The following SCAMP3 variants were observed in gnomAD, a reference collection of about 807,000 sequenced individuals.
SCAMP3 encodes the protein secretory carrier membrane protein 3.
In SCAMP3, 30 loss-of-function variants were observed where a neutral mutation model predicts 44.1. The ratio of observed to expected loss-of-function variants is 0.68; its 90% CI spans 0.51 to 0.92. SCAMP3 has a LOEUF of 0.92. Among genes scored for constraint, SCAMP3 ranks in the 40% least tolerant of loss-of-function variants. The pLI is 0.00. For missense variants in SCAMP3, 394 were observed against 440.0 expected, an observed-to-expected ratio of 0.90 and a Z score of 0.93; for synonymous variants, 168 against 171.1, an observed-to-expected ratio of 0.98 and a Z score of 0.14.
At chr1:155,256,577 C>T in intron 8 of SCAMP3, 97 bp downstream of exon 8, 1 of 1,369,512 alleles carries the variant, frequency 7.3e-7, no homozygotes, top group Non-Finnish European at 1.0e-6. Flanking sequence ...AACAACCCAG[C>T]AGCCTGACCT....
At chr1:155,259,478 C>G (rs907706338) in intron 4 of SCAMP3, among the ~76,000 whole-genome samples, 2 of 152,188 alleles carry the variant, frequency 1.3e-5, no homozygotes, top group African/African-American at 4.8e-5. Flanking sequence ...CCGTCCACCT[C>G]AGCTTCTTGA....
chr1:155,261,676 T>C lies in SCAMP3; in HGVS notation c.125A>G (p.Asn42Ser), dbSNP rs1029862594. 1 of 1,614,010 alleles carries C rather than the reference T, an allele frequency of 6.2e-7. No individual in the cohort carries two copies. Among genetic ancestry groups the C allele is most frequent in the Non-Finnish European group, 8.5e-7 (1 of 1,179,984 alleles). ...GCTCACCTCCCGGGTCTCAAAAGGG[T>C]TGTAGACGTCAAGCGTGGCATACTG... is the stretch of plus-strand genomic sequence containing the variant. ...SRQYATLDVY[N>S]PFETREPPPA... is the part of the protein sequence containing the mutation. The change falls in exon 2 of 9, where the codon AAC becomes AGC. Residue 42 changes from asparagine (N) to serine (S), a missense_variant. Transcript: ENST00000302631.
At chr1:155,256,535 G>C (rs989422199) in intron 8 of SCAMP3, 116 bp from the exon 9 acceptor site, 21 of 1,383,128 alleles carry the variant, frequency 1.5e-5, no homozygotes, top group Non-Finnish European at 2.0e-5. Context: ...CTCACACACA[G>C]AAACACACAC....
intron 7 of SCAMP3, 140 bp from the exon 8 acceptor site, chr1:155,256,931 A>C: frequency 3.0e-6 from 2 of 663,034 alleles, no homozygotes; most frequent in Non-Finnish European, 5.4e-6. Flanking sequence ...CCACAATCCC[A>C]AACTGTATCT....
intron 2 of SCAMP3, 89 bp from the exon 3 acceptor site, chr1:155,260,748 T>C (rs541390032): frequency 8.4e-7 from 1 of 1,193,128 alleles, no homozygotes; most frequent in African/African-American, 1.5e-5. Flanking sequence ...CCAGAACTCA[T>C]GATGTAAGGA....
At chr1:155,258,724 G>A in intron 5 of SCAMP3, 102 bp downstream of exon 5, 1 of 1,053,982 alleles carries the variant, frequency 9.5e-7, no homozygotes, top group Non-Finnish European at 1.4e-6. Flanking sequence ...GCAGGCTGGT[G>A]AGTTCTAAAT....
chr1:155,260,743 A>G, intron 2 of SCAMP3, 84 bp from the exon 3 acceptor site: 1 of 1,234,906 alleles, frequency 8.1e-7, no homozygotes, highest in Non-Finnish European at 1.1e-6. Flanking sequence ...TAGACCCAGA[A>G]CTCATGATGT....
chr1:155,256,758 G>A lies in SCAMP3; in HGVS notation c.813C>T (p.Gly271=). 1 of 1,614,162 alleles carries A rather than the reference G, an allele frequency of 6.2e-7. No homozygotes were observed. Among genetic ancestry groups the A allele is most frequent in the South Asian group, 1.1e-5 (1 of 91,074 alleles). ...GWISALVVPK[G]NTAVSVLMLL... ...GCATGAGCACGGATACTGCTGTGTT[G>A]CCCTTCGGCACCACCAGAGCAGAGA... The change falls in exon 8 of 9, where the codon GGC becomes GGT. Residue 271 remains glycine, a synonymous_variant. Transcript: ENST00000302631.
chr1:155,256,676 G>A lies in SCAMP3; in HGVS notation c.895C>T (p.Arg299Trp), dbSNP rs565204943. ...CCCACCTTCGACACAGCCCTCACCCGTTTCAGCATGACAATTCCTAGCACA... is the reference window on the plus strand; with the variant it reads ...CCCACCTTCGACACAGCCCTCACCCATTTCAGCATGACAATTCCTAGCACA... ...IAVLGIVMLK[R>W]IHSLYRRTGA... Residue 299 changes from arginine to tryptophan, a missense_variant and splice_region_variant, in exon 8 of 9, where the codon CGG becomes TGG. Transcript: ENST00000302631. 5.0e-6 allele frequency: 8 copies of A among 1,613,428 alleles called. No homozygotes were observed. The highest frequency in any genetic ancestry group is 2.2e-5 in the South Asian group (2 of 91,062).
chr1:155,260,250 A>C, intron 4 of SCAMP3, 80 bp downstream of exon 4: 3 of 1,562,564 alleles, frequency 1.9e-6, no homozygotes, highest in Non-Finnish European at 2.6e-6. Context: ...GAGCCACCGC[A>C]CCCAGCCGAG....
chr1:155,257,408 G>A (rs1672833591), intron 6 of SCAMP3, 22 bp from the exon 7 acceptor site: 1 of 1,608,856 alleles, frequency 6.2e-7, no homozygotes, highest in Non-Finnish European at 8.5e-7. Flanking sequence ...AAAAAAATGG[G>A]GAGGGTGGGA....
chr1:155,257,251 G>A, intron 7 of SCAMP3, 34 bp downstream of exon 7: 1 of 1,408,600 alleles, frequency 7.1e-7, no homozygotes, highest in Non-Finnish European at 1.0e-6. Context: ...TGGATCTAGA[G>A]GGAAAGGTGA....
Position 155,256,308 on chromosome 1 carries a change from C to G in SCAMP3, c.1009G>C (p.Ala337Pro), listed in dbSNP as rs769722791. ...AVRTAAANAAAGAAENAFRAP is the reference protein window; with the variant it reads ...AVRTAAANAAPGAAENAFRAP ...CGGAAGGCATTTTCAGCAGCCCCAGCGGCTGCATTGGCAGCTGCGGTTCGC... is the reference window on the plus strand; with the variant it reads ...CGGAAGGCATTTTCAGCAGCCCCAGGGGCTGCATTGGCAGCTGCGGTTCGC... Residue 337 changes from alanine to proline, a missense_variant, in exon 9 of 9, where the codon GCT becomes CCT. By Grantham distance (27) the Ala-to-Pro change is conservative. Transcript: ENST00000302631. The G allele has an allele frequency of 2.5e-6, 4 of 1,596,262 alleles. No homozygotes were observed. The South Asian group carries it at 3.3e-5, about 13-fold the overall frequency.
At chr1:155,258,691 G>A in intron 5 of SCAMP3, 135 bp downstream of exon 5, 1 of 776,826 alleles carries the variant, frequency 1.3e-6, no homozygotes, top group Non-Finnish European at 2.1e-6. Flanking sequence ...TAAAAAGTGG[G>A]GAGAGGGCAA....
intron 5 of SCAMP3, among the ~76,000 whole-genome samples, chr1:155,258,594 C>A (rs1672868644): frequency 6.6e-6 from 1 of 151,918 alleles, no homozygotes; most frequent in Non-Finnish European, 1.5e-5. Context: ...CCTCAGCTTC[C>A]CAAAGTGCTG....
At chr1:155,257,209 G>T in intron 7 of SCAMP3, 76 bp downstream of exon 7, 1 of 968,426 alleles carries the variant, frequency 1.0e-6, no homozygotes. Flanking sequence ...TCCTTTTTCT[G>T]AACAACTCCT....
At chr1:155,257,710 C>A in intron 5 of SCAMP3, 53 bp from the exon 6 acceptor site, 1 of 1,494,080 alleles carries the variant, frequency 6.7e-7, no homozygotes, top group South Asian at 1.2e-5. Context: ...AATGAAGGCT[C>A]CTTCCCATCT....
At chr1:155,259,644 C>T (rs1190561593) in intron 4 of SCAMP3, among the ~76,000 whole-genome samples, 8 of 152,098 alleles carry the variant, frequency 5.3e-5, no homozygotes, top group African/African-American at 1.2e-4. Context: ...GAATTACAGG[C>T]GTGAGGCACC....
At position 155,260,616 on chromosome 1, in the gene SCAMP3, G is replaced by A. The variant is rs763918083; in HGVS notation, c.188C>T (p.Pro63Leu). ...GGGCTGCAAGGAGGGAGCTGAGGGT[G>A]GAGGCAATGGGGCAGGGGCTGGAGG... Reference protein sequence around the residue: ...YEPPAPAPLPPPSAPSLQPSR... With the variant: ...YEPPAPAPLPLPSAPSLQPSR... Residue 63 changes from proline (P) to leucine (L), a missense_variant, in exon 3 of 9, where the codon CCA becomes CTA. Transcript: ENST00000302631. 4 of 1,613,928 alleles carry A rather than the reference G, an allele frequency of 2.5e-6. No homozygotes were observed. In the African/African-American group the frequency reaches 5.3e-5, roughly 22 times the overall value.
Sources: allele counts gnomAD v4.1 joint callset (sites outside exome capture counted in the v4.1 genomes callset), GRCh38; gene constraint gnomAD v4.1.1; transcripts MANE v1.5; gene names NCBI Gene and HGNC (gene_info 2026-07-23, HGNC 2026-07-21).